PCNX1: variants seen among roughly 807,000 people sequenced by gnomAD.
PCNX1 encodes the protein pecanex-like protein 1.
In PCNX1, 78 loss-of-function variants were observed where a neutral mutation model predicts 242.2. The observed-to-expected ratio is 0.32, with a 90% CI of 0.27 to 0.39. PCNX1 has a LOEUF of 0.39. Ranked by LOEUF, PCNX1 falls within the 10% of genes least tolerant of loss-of-function variation. PCNX1 has a pLI of 1.00. For missense variants in PCNX1, 2,581 were observed against 2,856.5 expected (o/e 0.90, Z 2.20); for synonymous variants, 1,024 against 1,032.9 (o/e 0.99, Z 0.17).
At chr14:70,958,726 G>T (rs1323866668) in intron 2 of PCNX1, among the ~76,000 whole-genome samples, 1 of 151,908 alleles carries the variant, frequency 6.6e-6, no homozygotes. Context: ...ATTCAAACTA[G>T]CCTGGGTTGG....
At chr14:71,090,916 G>A (rs2062111784) in intron 30 of PCNX1, among the ~76,000 whole-genome samples, 1 of 152,150 alleles carries the variant, frequency 6.6e-6, no homozygotes, top group Non-Finnish European at 1.5e-5. Context: ...TTGCTGCCAG[G>A]TCTCTTTCCT....
At chr14:70,967,568 A>C (rs2058417627) in intron 3 of PCNX1, among the ~76,000 whole-genome samples, 1 of 152,228 alleles carries the variant, frequency 6.6e-6, no homozygotes, top group African/African-American at 2.4e-5. Context: ...TAAGCACTAA[A>C]AGCTCAACAA....
At chr14:71,038,527 ACC>A (rs1467230591) in intron 19 of PCNX1, among the ~76,000 whole-genome samples, 1 of 152,090 alleles carries the variant, frequency 6.6e-6, no homozygotes, top group East Asian at 1.9e-4. Flanking sequence ...ACAATGAGAT[ACC>A]ATCTCACACC....
Position 70,995,840 on chromosome 14 carries a change from G to A in PCNX1, c.2544G>A (p.Leu848=), listed in dbSNP as rs1237104586. The change falls in exon 8 of 36, where the codon TTG becomes TTA. Residue 848 remains leucine, a synonymous_variant. Coordinates refer to ENST00000304743, the MANE Select transcript of PCNX1 (RefSeq NM_014982.3). ...QAAVLSASAS[L]LVRNGSVHLE... ...CAGTGCTCAGTGCTAGTGCCTCCTT[G>A]CTGGTGAGAAATGGGAGTGTCCACT... 6.2e-7 allele frequency: 1 copy of A among 1,613,984 alleles called. No individual in the cohort carries two copies. Among genetic ancestry groups the A allele is most frequent in the Non-Finnish European group, 8.5e-7 (1 of 1,179,924 alleles).
Position 71,026,810 on chromosome 14 carries a change from C to G in PCNX1, c.3394C>G (p.Leu1132Val). The change falls in exon 15 of 36, where the codon CTC becomes GTC. Residue 1132 changes from leucine to valine, a missense_variant. By Grantham distance (32) the Leu-to-Val change is conservative. Around this residue, in one of 9 missense-constraint regions of PCNX1, gnomAD observed 432 missense variants for 443.1 expected, o/e 0.97. Coordinates refer to ENST00000304743, the MANE Select transcript of PCNX1 (RefSeq NM_014982.3). ...LCFPIVFFIG[L>V]LPQVNTFVMY... ...TTTCCCAATAGTGTTTTTCATTGGT[C>G]TCCTGCCTCAGGTGAATACATTTGT... 1 of 1,574,258 alleles carries G rather than the reference C, an allele frequency of 6.4e-7. No homozygotes were observed. Among genetic ancestry groups the G allele is most frequent in the South Asian group, 1.1e-5 (1 of 89,440 alleles).
chr14:70,968,001 A>G (rs765370613), intron 3 of PCNX1, among the ~76,000 whole-genome samples, 197 bp from the exon 4 acceptor site: 1 of 152,170 alleles, frequency 6.6e-6, no homozygotes, highest in Non-Finnish European at 1.5e-5. Context: ...TCAGTAAGAC[A>G]CACGCAGCCT....
At chr14:71,063,212 T>A (rs1214809629) in intron 26 of PCNX1, among the ~76,000 whole-genome samples, 1 of 152,192 alleles carries the variant, frequency 6.6e-6, no homozygotes, top group Non-Finnish European at 1.5e-5. Flanking sequence ...CAGTAAATAT[T>A]TTAGGGTTTG....
intron 2 of PCNX1, among the ~76,000 whole-genome samples, chr14:70,961,603 A>G (rs747211654): frequency 1.3e-5 from 2 of 152,210 alleles, no homozygotes; most frequent in Non-Finnish European, 2.9e-5. Flanking sequence ...TCGTTACTAC[A>G]TAGCATCACT....
intron 12 of PCNX1, among the ~76,000 whole-genome samples, chr14:71,020,143 T>G (rs558440344): frequency 2.0e-5 from 3 of 152,314 alleles, no homozygotes; most frequent in Non-Finnish European, 4.4e-5. Flanking sequence ...TAGTATTCCA[T>G]GTTGTATATG....
chr14:71,065,157 T>C (rs976222641), intron 26 of PCNX1, among the ~76,000 whole-genome samples: 1 of 152,206 alleles, frequency 6.6e-6, no homozygotes. Context: ...CTGGGTCAAA[T>C]GGTTTTTCTA....
chr14:71,023,128 G>C lies in PCNX1; in HGVS notation c.3151-72G>C, dbSNP rs550202950. ...TATTTACTTAAAATCATTCATTTCA[G>C]GCATTTTGAAAGTTGGTTGTAAAAT... On this transcript the variant is annotated intron_variant, in intron 12 of 35. Coordinates refer to ENST00000304743, the MANE Select transcript of PCNX1 (RefSeq NM_014982.3). 1.5e-5 allele frequency: 16 copies of C among 1,051,026 alleles called. No homozygotes were observed. The East Asian group carries it at 3.6e-4, about 23-fold the overall frequency. 65.1% of individuals were successfully genotyped at this position (1,051,026 alleles called of 1,614,324 possible). A position where few individuals can be genotyped will look rare whatever the true frequency, so the allele number is the denominator to read the frequency against.
intron 27 of PCNX1, among the ~76,000 whole-genome samples, chr14:71,075,295 A>G (rs899995924): frequency 7.9e-5 from 12 of 151,690 alleles, no homozygotes; most frequent in African/African-American, 2.7e-4. Context: ...CCAGCCTGAA[A>G]TTTTCATATC....
chr14:70,928,633 T>A (rs1194327401), intron 1 of PCNX1, among the ~76,000 whole-genome samples: 2 of 152,198 alleles, frequency 1.3e-5, no homozygotes, highest in Non-Finnish European at 2.9e-5. Flanking sequence ...ATGGTTAGGT[T>A]TACTAAGAAA....
chr14:71,024,860 A>G (rs1244264958), intron 13 of PCNX1, among the ~76,000 whole-genome samples: 1 of 152,214 alleles, frequency 6.6e-6, no homozygotes, highest in East Asian at 1.9e-4. Flanking sequence ...ACATATGTGC[A>G]CTGGGGAGCA....
chr14:71,013,562 G>GTTATTTTTTTTTTTTTTTTTTTT, intron 11 of PCNX1, among the ~76,000 whole-genome samples: 1 of 145,682 alleles, frequency 6.9e-6, no homozygotes, highest in South Asian at 2.3e-4. Context: ...TGTTTCCCTG[G>GTTATTTTTTTTTTTTTTTTTTTT]TTCTTAACAC....
chr14:70,940,382 A>T (rs531409566), intron 1 of PCNX1, among the ~76,000 whole-genome samples: 10 of 152,300 alleles, frequency 6.6e-5, no homozygotes, highest in African/African-American at 2.4e-4. Context: ...TCCTTCACAT[A>T]TGAAGCTTAG....
intron 1 of PCNX1, among the ~76,000 whole-genome samples, chr14:70,925,499 C>G (rs549519202): frequency 6.6e-6 from 1 of 151,642 alleles, no homozygotes; most frequent in East Asian, 1.9e-4. Flanking sequence ...CCAGTGACTT[C>G]CGGTCATTCA....
At chr14:70,996,303 G>A (rs569393350) in intron 8 of PCNX1, among the ~76,000 whole-genome samples, 1 of 152,124 alleles carries the variant, frequency 6.6e-6, no homozygotes, top group African/African-American at 2.4e-5. Flanking sequence ...TTTAGGAAAG[G>A]GAAAAGTGCT....
intron 28 of PCNX1, among the ~76,000 whole-genome samples, 184 bp downstream of exon 28, chr14:71,076,603 A>C (rs1429478338): frequency 6.6e-6 from 1 of 152,184 alleles, no homozygotes; most frequent in East Asian, 1.9e-4. Context: ...GGTTAAAGGA[A>C]GTGGCCTCCC....
Sources: allele counts gnomAD v4.1 joint callset (sites outside exome capture counted in the v4.1 genomes callset), GRCh38; gene constraint gnomAD v4.1.1; regional missense constraint gnomAD v4.1.1; transcripts MANE v1.5; gene names NCBI Gene and HGNC (gene_info 2026-07-23, HGNC 2026-07-21).